The following XXYLT1 variants were observed in gnomAD, a reference collection of about 807,000 sequenced individuals.
XXYLT1 encodes xyloside xylosyltransferase 1, also known as UDP-xylose:alpha-xyloside alpha-1,3-xylosyltransferase.
Under a neutral mutation model 28.9 loss-of-function variants are expected in XXYLT1, and 20 were observed. The observed-to-expected ratio is 0.69, with a 90% CI of 0.49 to 1.00. XXYLT1 has a LOEUF of 1.00. XXYLT1 is among the 50% of genes least tolerant of loss of function. XXYLT1 has a pLI of 0.00. For synonymous variants in XXYLT1, 257 were observed against 253.8 expected (o/e 1.01, Z -0.12); for missense variants, 542 against 560.1 (o/e 0.97, Z 0.33).
At position 195,093,735 on chromosome 3, in the gene XXYLT1, G is replaced by A. The variant is rs182841942; in HGVS notation, c.786-23624C>T. On this transcript the variant is annotated intron_variant, in intron 3 of 3. Coordinates refer to ENST00000310380, the MANE Select transcript of XXYLT1 (RefSeq NM_152531.5). ...TAAATAAAATTAGATGCTACTTCAAGCCATTACCTGGGGAAAGTAATTAGA... is the reference window on the plus strand; with the variant it reads ...TAAATAAAATTAGATGCTACTTCAAACCATTACCTGGGGAAAGTAATTAGA... 202 of 152,240 alleles carry A rather than the reference G, an allele frequency of 1.3e-3. 1 individual carries two copies. The highest frequency in any genetic ancestry group is 4.7e-3 in the African/African-American group (194 of 41,522). 9.4% of individuals were successfully genotyped at this position (152,240 alleles called of 1,614,324 possible). A position where few individuals can be genotyped will look rare whatever the true frequency, so the allele number is the denominator to read the frequency against.
intron 2 of XXYLT1, among the ~76,000 whole-genome samples, chr3:195,183,793 T>A (rs1722059596): frequency 6.6e-6 from 1 of 152,148 alleles, no homozygotes; most frequent in African/African-American, 2.4e-5. Flanking sequence ...AAGGGGCAAT[T>A]TGGGACCAAC....
intron 3 of XXYLT1, among the ~76,000 whole-genome samples, chr3:195,125,037 G>A (rs2108619921): frequency 6.6e-6 from 1 of 152,254 alleles, no homozygotes; most frequent in Admixed American, 6.5e-5. Flanking sequence ...AGCAGTTACA[G>A]GGAAAGAGAA....
chr3:195,108,293 C>T (rs1717261610), intron 3 of XXYLT1, among the ~76,000 whole-genome samples: 1 of 152,242 alleles, frequency 6.6e-6, no homozygotes, highest in Admixed American at 6.5e-5. Context: ...CTGATAAAAA[C>T]ATGCAGAAAT....
In XXYLT1 at chr3:195,261,312, G is replaced by A. The variant is rs545490239; in HGVS notation, c.504+9243C>T. Among the ~76,000 whole-genome samples the A allele has an allele frequency of 1.1e-4, 16 of 152,312 alleles. No individual in the cohort carries two copies. In the East Asian group the frequency reaches 3.1e-3, roughly 29 times the overall value. On this transcript the variant is annotated intron_variant, in intron 1 of 3. Transcript: ENST00000310380. ...GCCGGGCACGGTGGCGCACGCCTGT[G>A]TAATCCCAGCTACTCGGGAGCTGAG...
intron 3 of XXYLT1, among the ~76,000 whole-genome samples, chr3:195,154,874 G>C (rs1280285272): frequency 6.6e-6 from 1 of 152,206 alleles, no homozygotes. Context: ...CAGGAAGTGA[G>C]GGTGCTACGG....
intron 1 of XXYLT1, among the ~76,000 whole-genome samples, chr3:195,245,899 T>C (rs1347915950): frequency 1.3e-5 from 2 of 152,174 alleles, no homozygotes; most frequent in Non-Finnish European, 2.9e-5. Flanking sequence ...GGAAGCTTCC[T>C]AAGGCCTCCC....
At chr3:195,149,557 G>A (rs563897090) in intron 3 of XXYLT1, among the ~76,000 whole-genome samples, 88 of 152,294 alleles carry the variant, frequency 5.8e-4, no homozygotes, top group African/African-American at 2.1e-3. Flanking sequence ...AGTGAAACAG[G>A]GAGTGGGGGC....
chr3:195,122,200 T>G, intron 3 of XXYLT1: 1 of 702,846 alleles, frequency 1.4e-6, no homozygotes, highest in South Asian at 1.5e-5. Flanking sequence ...CATGATGACC[T>G]AATCACTCTC....
chr3:195,245,387 T>TG (rs1195342809), intron 1 of XXYLT1, among the ~76,000 whole-genome samples: 5 of 151,880 alleles, frequency 3.3e-5, no homozygotes, highest in Non-Finnish European at 7.4e-5. Context: ...CTTGAACTCC[T>TG]GCAAGTGATT....
chr3:195,149,466 C>A (rs1365657556), intron 3 of XXYLT1, among the ~76,000 whole-genome samples: 1 of 152,202 alleles, frequency 6.6e-6, no homozygotes, highest in Non-Finnish European at 1.5e-5. Flanking sequence ...TGGAAGCAAG[C>A]AAAGGGCCAG....
chr3:195,238,203 C>T (rs1454205989), intron 1 of XXYLT1, among the ~76,000 whole-genome samples: 1 of 152,188 alleles, frequency 6.6e-6, no homozygotes, highest in Non-Finnish European at 1.5e-5. Flanking sequence ...CTCCCGTCTA[C>T]TGGCCACACC....
rs57287670 is a variant in XXYLT1 at position 195,209,782 on chromosome 3, G to A, written c.652+16927C>T. 1,990 of 152,598 alleles carry A rather than the reference G, an allele frequency of 0.013. 44 individuals carry two copies. Among genetic ancestry groups the A allele is most frequent in the African/African-American group, 0.045 (1,883 of 41,572 alleles). The allele number at this position is 152,598 out of a possible 1,614,324, so 9.5% of individuals were successfully genotyped here. On this transcript the variant is annotated intron_variant, in intron 2 of 3. Transcript: ENST00000310380. This position sits in a 1 kb window ranked among gnomAD's most constrained non-coding sequence, Gnocchi z 5.0. ...CACTCTCTCTGGAGGCCCAGCTATCGCCCGGAATATTCCAAAGGCTATCCA... is the reference window on the plus strand; with the variant it reads ...CACTCTCTCTGGAGGCCCAGCTATCACCCGGAATATTCCAAAGGCTATCCA...
rs973027489 is a variant in XXYLT1, at chr3:195,124,925, CG to C, written c.785+31523del. Among the ~76,000 whole-genome samples the C allele has an allele frequency of 1.3e-5, 2 of 152,142 alleles. No individual in the cohort carries two copies. Among genetic ancestry groups the C allele is most frequent in the Non-Finnish European group, 2.9e-5 (2 of 68,034 alleles). On this transcript the variant is annotated intron_variant, in intron 3 of 3. Transcript: ENST00000310380. The surrounding 1 kb of genome is among the most constrained non-coding windows in gnomAD (Gnocchi z 4.1). ...AGGCTGCGGGTGCACAAGGCTGTCC[CG>C]GGTTATTTGAAGGACAGAGGGAAAA...
chr3:195,247,221 C>T (rs1725060016), intron 1 of XXYLT1, among the ~76,000 whole-genome samples: 1 of 152,190 alleles, frequency 6.6e-6, no homozygotes, highest in South Asian at 2.1e-4. Context: ...GAGAAGAGGG[C>T]GAACGGCCGT....
intron 3 of XXYLT1, among the ~76,000 whole-genome samples, chr3:195,112,513 CCCA>C (rs1560102668): frequency 0.12 from 16,794 of 142,494 alleles, 1,044 homozygotes; most frequent in East Asian, 0.26. Context: ...CCCACACACA[CCCA>C]CACACACACA....
chr3:195,226,954 C>T (rs1248734569), intron 1 of XXYLT1, 98 bp from the exon 2 acceptor site: 1 of 1,434,650 alleles, frequency 7.0e-7, no homozygotes, highest in East Asian at 2.4e-5. Context: ...CAGAGGCAGA[C>T]AGTGCCTCTC....
intron 3 of XXYLT1, among the ~76,000 whole-genome samples, chr3:195,109,401 T>C (rs1717333462): frequency 9.5e-6 from 1 of 105,096 alleles, no homozygotes; most frequent in South Asian, 2.9e-4. Context: ...TGCATGTATG[T>C]GTGCATGTGT....
Position 195,078,077 on chromosome 3 carries a change from C to T in XXYLT1, c.786-7966G>A, listed in dbSNP as rs1425406985. Among the ~76,000 whole-genome samples, 5 of 152,164 alleles carry T rather than the reference C, an allele frequency of 3.3e-5. No individual in the cohort carries two copies. Among genetic ancestry groups the T allele is most frequent in the Admixed American group, 3.3e-4 (5 of 15,282 alleles). ...GGGGCTTTAAGCCTGGATCCCTACT[C>T]AGACGGCGGAGCCAGAAACAGCCAT... On this transcript the variant is annotated intron_variant, in intron 3 of 3. Transcript: ENST00000310380. The surrounding 1 kb of genome is among the most constrained non-coding windows in gnomAD (Gnocchi z 5.0).
At chr3:195,128,967 T>C (rs1294685594) in intron 3 of XXYLT1, among the ~76,000 whole-genome samples, 2 of 152,126 alleles carry the variant, frequency 1.3e-5, no homozygotes, top group African/African-American at 4.8e-5. Flanking sequence ...AAGAAAAACA[T>C]CCCCATGCGA....
Sources: allele counts gnomAD v4.1 joint callset (sites outside exome capture counted in the v4.1 genomes callset), GRCh38; gene constraint gnomAD v4.1.1; non-coding constraint Gnocchi (gnomAD v3.1); transcripts MANE v1.5; gene names NCBI Gene and HGNC (gene_info 2026-07-23, HGNC 2026-07-21).